DSP: variants seen among roughly 807,000 people sequenced by gnomAD.
DSP encodes 250/210 kDa paraneoplastic pemphigus antigen.
In DSP, 114 loss-of-function variants were observed where a neutral mutation model predicts 290.6. The ratio of observed to expected loss-of-function variants is 0.39; its 90% CI spans 0.34 to 0.46. The LOEUF is 0.46. Among genes scored for constraint, DSP ranks in the 20% least tolerant of loss-of-function variants. The probability of loss-of-function intolerance (pLI) is 0.99; values close to 1 mark genes in which losing one functional copy is unlikely to be tolerated. For missense variants in DSP, 3,230 were observed against 3,495.8 expected, an observed-to-expected ratio of 0.92 and a Z score of 1.92; for synonymous variants, 1,311 against 1,316.4, an observed-to-expected ratio of 1.00 and a Z score of 0.09.
At position 7,586,098 on chromosome 6, in the gene DSP, C is replaced by T. The variant is rs2113706214; in HGVS notation, c.*220C>T. 1 of 555,856 alleles carries T rather than the reference C, an allele frequency of 1.8e-6. No homozygotes were observed. Among genetic ancestry groups the T allele is most frequent in the East Asian group, 3.1e-5 (1 of 32,378 alleles). 34.4% of individuals were successfully genotyped at this position (555,856 alleles called of 1,614,324 possible). ...AGCAGTACACTTGGATGCAGTGCGT[C>T]TGAAGTGCTAATCAGTTGTAACAAT... On this transcript the variant is annotated 3_prime_UTR_variant, in exon 24 of 24. Transcript: ENST00000379802.
intron 6 of DSP, among the ~76,000 whole-genome samples, chr6:7,564,198 G>A (rs979153183): frequency 5.9e-5 from 9 of 152,200 alleles, no homozygotes; most frequent in African/African-American, 1.4e-4. Flanking sequence ...GCAAGAAAAC[G>A]TTGCCACTTG....
Position 7,585,763 on chromosome 6 carries a change from G to T in DSP, c.8501G>T (p.Arg2834Leu), listed in dbSNP as rs121912999. 1 of 1,607,648 alleles carries T rather than the reference G, an allele frequency of 6.2e-7. No homozygotes were observed. The highest frequency in any genetic ancestry group is 2.2e-5 in the East Asian group (1 of 44,820). ...GSRSGSRSGSRSGSRSGSRSG... is the reference protein window; with the variant it reads ...GSRSGSRSGSLSGSRSGSRSG... Reference sequence around the variant, plus strand: ...CGCTCCGGCTCCCGCTCGGGATCTCGCTCCGGATCTCGCTCCGGGTCCCGC... The same window carrying T: ...CGCTCCGGCTCCCGCTCGGGATCTCTCTCCGGATCTCGCTCCGGGTCCCGC... Residue 2834 changes from arginine (R) to leucine (L), a missense_variant, in exon 24 of 24, where the codon CGC becomes CTC. Physicochemically the swap from Arg to Leu is moderately radical, Grantham distance 102 (BLOSUM62 -2). This residue lies in a region of DSP where 582 missense variants were observed against 555.4 expected (regional missense o/e 1.05). Coordinates refer to ENST00000379802, the MANE Select transcript of DSP (RefSeq NM_004415.4).
intron 16 of DSP, 22 bp downstream of exon 16, chr6:7,574,274 C>G: frequency 6.2e-7 from 1 of 1,610,970 alleles, no homozygotes; most frequent in Non-Finnish European, 8.5e-7. Context: ...TAACACTAAT[C>G]TCATATTTTC....
chr6:7,553,941 A>T (rs2744371), intron 1 of DSP, among the ~76,000 whole-genome samples: 1 of 152,168 alleles, frequency 6.6e-6, no homozygotes, highest in Non-Finnish European at 1.5e-5. Context: ...TGGCCAAAAA[A>T]GAAATGCTTT....
intron 15 of DSP, among the ~76,000 whole-genome samples, chr6:7,572,583 C>G (rs1257727368): frequency 6.6e-6 from 1 of 152,198 alleles, no homozygotes; most frequent in Admixed American, 6.5e-5. Context: ...AGGCCATACT[C>G]AAGAAAGAAA....
intron 13 of DSP, among the ~76,000 whole-genome samples, chr6:7,571,076 C>T (rs1372946977): frequency 5.9e-5 from 9 of 151,780 alleles, no homozygotes; most frequent in Admixed American, 2.0e-4. Context: ...TGGGGTCCCC[C>T]GAGCCCTTTT....
At chr6:7,559,194 C>T (rs1446090174) in intron 3 of DSP, 32 bp from the exon 4 acceptor site, 2 of 1,612,948 alleles carry the variant, frequency 1.2e-6, no homozygotes, top group Non-Finnish European at 1.7e-6. Context: ...GGCTGTTTTC[C>T]TGCAGTGGTT....
chr6:7,585,440 C>T lies in DSP; in HGVS notation c.8178C>T (p.Phe2726=), dbSNP rs901698792. 6.2e-7 allele frequency: 1 copy of T among 1,614,142 alleles called. No homozygotes were observed. The highest frequency in any genetic ancestry group is 8.5e-7 in the Non-Finnish European group (1 of 1,180,038). The change falls in exon 24 of 24, where the codon TTC becomes TTT. Residue 2726 remains phenylalanine, a synonymous_variant. Coordinates refer to ENST00000379802, the MANE Select transcript of DSP (RefSeq NM_004415.4). ...KWLPYEAGQR[F]LEFQYLTGGL... is the part of the protein sequence containing the mutation. ...TCCCGTATGAGGCTGGCCAGCGCTT[C>T]CTGGAGTTCCAGTACCTCACGGGAG... is the stretch of plus-strand genomic sequence containing the variant.
intron 15 of DSP, among the ~76,000 whole-genome samples, chr6:7,573,423 CA>C (rs963715666): frequency 1.3e-5 from 2 of 151,966 alleles, no homozygotes; most frequent in African/African-American, 4.8e-5. Context: ...CTAAAAAGTA[CA>C]AAAATTAGCT....
In DSP at chr6:7,585,828, T is replaced by A. The variant is rs148550678; in HGVS notation, c.8566T>A (p.Ser2856Thr). The change falls in exon 24 of 24, where the codon TCT becomes ACT. Residue 2856 changes from serine (S) to threonine (T), a missense_variant. Physicochemically the swap from Ser to Thr is moderately conservative, Grantham distance 58. This residue lies in a region of DSP where 582 missense variants were observed against 555.4 expected (regional missense o/e 1.05). Coordinates refer to ENST00000379802, the MANE Select transcript of DSP (RefSeq NM_004415.4). ...RRGSFDATGN[S>T]SYSYSYSFSS... The stretch of plus-strand genomic sequence containing the variant: ...AGGAAGCTTTGACGCCACAGGGAAT[T>A]CTTCCTACTCTTATTCCTACTCATT... 6.2e-7 allele frequency: 1 copy of A among 1,612,628 alleles called. No homozygotes were observed. The highest frequency in any genetic ancestry group is 1.3e-5 in the African/African-American group (1 of 74,784).
Position 7,579,168 on chromosome 6 carries a change from T to TGC in DSP, c.3085-107_3085-106insGC. On this transcript the variant is annotated intron_variant, in intron 22 of 23. Coordinates refer to ENST00000379802, the MANE Select transcript of DSP (RefSeq NM_004415.4). This position sits in a 1 kb window ranked among gnomAD's most constrained non-coding sequence, Gnocchi z 4.1. ...CTCTTTGCATGTATGTCCATGTGTG[T>TGC]AAAGAGAAATAAGAATGCACATTGG... The TGC allele has an allele frequency of 6.8e-7, 1 of 1,470,074 alleles. No individual in the cohort carries two copies. The highest frequency in any genetic ancestry group is 9.3e-7 in the Non-Finnish European group (1 of 1,078,504). The allele number at this position is 1,470,074 out of a possible 1,614,324, so 91.1% of individuals were successfully genotyped here.
At chr6:7,562,928 G>C in intron 5 of DSP, 148 bp downstream of exon 5, 4 of 1,215,186 alleles carry the variant, frequency 3.3e-6, no homozygotes, top group Non-Finnish European at 4.7e-6. Context: ...TTCTTAAATG[G>C]GGAAGTGGAA....
At chr6:7,543,393 C>CTTTTTTTTTT (rs397886749) in intron 1 of DSP, among the ~76,000 whole-genome samples, 2 of 80,030 alleles carry the variant, frequency 2.5e-5, no homozygotes, top group African/African-American at 4.8e-5. Context: ...TCTATTTTCG[C>CTTTTTTTTTT]TTTTTTTTTT....
chr6:7,562,787 G>A lies in DSP; in HGVS notation c.726+7G>A, dbSNP rs370309952. The A allele has an allele frequency of 6.2e-7, 1 of 1,613,856 alleles. No homozygotes were observed. The highest frequency in any genetic ancestry group is 8.5e-7 in the Non-Finnish European group (1 of 1,179,928). Reference sequence around the variant, plus strand: ...CAAAATCAAAGCCGACCTGGTACTTGTCTGTGTTTCATTTTAGAGTCTTCA... The same window carrying A: ...CAAAATCAAAGCCGACCTGGTACTTATCTGTGTTTCATTTTAGAGTCTTCA... On this transcript the variant is annotated splice_region_variant and intron_variant, in intron 5 of 23. Transcript: ENST00000379802.
intron 12 of DSP, 27 bp from the exon 13 acceptor site, chr6:7,570,410 A>G (rs1440779316): frequency 6.2e-7 from 1 of 1,613,958 alleles, no homozygotes; most frequent in Non-Finnish European, 8.5e-7. Flanking sequence ...GCCTGGCTCT[A>G]GCATGTTTTC....
intron 1 of DSP, among the ~76,000 whole-genome samples, chr6:7,550,294 A>C (rs772325931): frequency 6.6e-6 from 1 of 151,826 alleles, no homozygotes; most frequent in Non-Finnish European, 1.5e-5. Context: ...GGTTCAAGCA[A>C]TCCGGCGGCC....
In DSP at chr6:7,567,743, G is replaced by T. The variant is rs762906497; in HGVS notation, c.1141-38G>T. On this transcript the variant is annotated intron_variant, in intron 9 of 23. Coordinates refer to ENST00000379802, the MANE Select transcript of DSP (RefSeq NM_004415.4). ...ACTACTAGATGAAATTGCTCATTGA[G>T]TTGCTGTTCATTCACTGATCACTCT... The T allele has an allele frequency of 2.5e-6, 4 of 1,613,228 alleles. No homozygotes were observed. In the South Asian group the frequency reaches 4.4e-5, roughly 18 times the overall value.
intron 14 of DSP, 79 bp from the exon 15 acceptor site, chr6:7,571,763 A>AGTATGGATG (rs1227005596): frequency 4.0e-6 from 6 of 1,513,608 alleles, no homozygotes; most frequent in Non-Finnish European, 5.5e-6. Context: ...ACTTTTAGGT[A>AGTATGGATG]GTATGGATGT....
Position 7,583,703 on chromosome 6 carries a change from C to T in DSP, c.6441C>T (p.Val2147=), listed in dbSNP as rs762513279. Residue 2147 remains valine, a synonymous_variant, in exon 24 of 24, where the codon GTC becomes GTT. Coordinates refer to ENST00000379802, the MANE Select transcript of DSP (RefSeq NM_004415.4). The surrounding 1 kb of genome is among the most constrained non-coding windows in gnomAD (Gnocchi z 4.0). ...PVNSVFLPKD[V]ALARGLIDRD... ...ACAGTGTCTTTTTGCCAAAAGATGT[C>T]GCCTTGGCCCGGGGGCTGATTGATA... 29 of 1,614,022 alleles carry T rather than the reference C, an allele frequency of 1.8e-5. No homozygotes were observed. The highest frequency in any genetic ancestry group is 3.3e-5 in the South Asian group (3 of 91,062).
Sources: allele counts gnomAD v4.1 joint callset (sites outside exome capture counted in the v4.1 genomes callset), GRCh38; gene constraint gnomAD v4.1.1; regional missense constraint gnomAD v4.1.1; non-coding constraint Gnocchi (gnomAD v3.1); transcripts MANE v1.5; gene names NCBI Gene and HGNC (gene_info 2026-07-23, HGNC 2026-07-21).